Variants in SLC35D4 observed in about 807,000 individuals in gnomAD.
SLC35D4 encodes the protein UDP-N-acetylglucosamine transporter SLC35D4.
At chr18:23,340,846 T>C in the SLC35D4 span, among the ~76,000 whole-genome samples, 3 of 152,304 alleles carry the variant, frequency 2.0e-5, no homozygotes, top group African/African-American at 4.8e-5. Flanking sequence ...CCCTTGCTCT[T>C]GCGCCACATA....
chr18:23,326,767 T>C, the SLC35D4 span, among the ~76,000 whole-genome samples: 1 of 152,154 alleles, frequency 6.6e-6, no homozygotes, highest in African/African-American at 2.4e-5. Flanking sequence ...CAGCACCACA[T>C]TGCACGTATT....
the SLC35D4 span, among the ~76,000 whole-genome samples, chr18:23,352,638 AT>A: frequency 6.6e-6 from 1 of 152,186 alleles, no homozygotes; most frequent in Admixed American, 6.5e-5. Context: ...CAGAGCTTAA[AT>A]TTTTTTCAAG....
chr18:23,406,534 C>T, the SLC35D4 span, among the ~76,000 whole-genome samples: 1 of 152,190 alleles, frequency 6.6e-6, no homozygotes, highest in Non-Finnish European at 1.5e-5. Flanking sequence ...AAAACCAAAA[C>T]TGAGCATCAA....
the SLC35D4 span, among the ~76,000 whole-genome samples, chr18:23,366,177 A>G: frequency 1.2e-4 from 18 of 152,014 alleles, no homozygotes; most frequent in South Asian, 6.2e-4. Flanking sequence ...CTGATTTTCA[A>G]TAGATGCCAC....
chr18:23,348,312 T>C, the SLC35D4 span, among the ~76,000 whole-genome samples: 1 of 152,176 alleles, frequency 6.6e-6, no homozygotes, highest in Non-Finnish European at 1.5e-5. Flanking sequence ...CTGAAATCAA[T>C]TGGTGGGGTG....
chr18:23,307,668 G>A, the SLC35D4 span, among the ~76,000 whole-genome samples: 3 of 152,224 alleles, frequency 2.0e-5, no homozygotes, highest in Non-Finnish European at 2.9e-5. Flanking sequence ...GGTCCTCTCC[G>A]ACAGTAGTAC....
the SLC35D4 span, among the ~76,000 whole-genome samples, chr18:23,327,364 G>T: frequency 2.6e-5 from 4 of 151,990 alleles, no homozygotes; most frequent in Admixed American, 2.6e-4. Context: ...ATGATAAAGG[G>T]GATATCACCA....
the SLC35D4 span, among the ~76,000 whole-genome samples, chr18:23,431,955 T>C: frequency 6.6e-6 from 1 of 152,220 alleles, no homozygotes; most frequent in Non-Finnish European, 1.5e-5. Context: ...TATCTACTTT[T>C]TTCCCAGGGA....
chr18:23,377,876 A>T, the SLC35D4 span, among the ~76,000 whole-genome samples: 1 of 152,124 alleles, frequency 6.6e-6, no homozygotes, highest in Non-Finnish European at 1.5e-5. Flanking sequence ...GAGTCACTTC[A>T]GCAAAGTACT....
chr18:23,433,699 A>C, the SLC35D4 span, among the ~76,000 whole-genome samples: 1 of 152,206 alleles, frequency 6.6e-6, no homozygotes, highest in African/African-American at 2.4e-5. Flanking sequence ...CCATTCTTTC[A>C]AACAATAGAA....
At chr18:23,297,877 C>T in the SLC35D4 span, 1 of 1,080,440 alleles carries the variant, frequency 9.3e-7, no homozygotes, top group Non-Finnish European at 1.4e-6. Flanking sequence ...CACTGCCCAC[C>T]TGGCCTCACT....
the SLC35D4 span, among the ~76,000 whole-genome samples, chr18:23,251,281 C>T: frequency 6.6e-6 from 1 of 152,052 alleles, no homozygotes; most frequent in Non-Finnish European, 1.5e-5. Context: ...GGCGAACCCC[C>T]ATTTACTAAA....
chr18:23,384,011 G>GGT, the SLC35D4 span, among the ~76,000 whole-genome samples: 2 of 136,546 alleles, frequency 1.5e-5, no homozygotes, highest in East Asian at 2.4e-4. Flanking sequence ...TGGGGGGGGG[G>GGT]GGTGTGATGT....
At chr18:23,292,257 C>T in the SLC35D4 span, among the ~76,000 whole-genome samples, 1 of 152,228 alleles carries the variant, frequency 6.6e-6, no homozygotes, top group African/African-American at 2.4e-5. Flanking sequence ...TCTTCGAGCT[C>T]CTCACCTATC....
the SLC35D4 span, chr18:23,421,346 T>A: frequency 2.4e-5 from 38 of 1,603,036 alleles, no homozygotes; most frequent in Non-Finnish European, 3.2e-5. Context: ...CATGCATGAG[T>A]CCAGCATAGA....
chr18:23,358,850 C>T, the SLC35D4 span, among the ~76,000 whole-genome samples: 3 of 152,186 alleles, frequency 2.0e-5, no homozygotes, highest in Admixed American at 6.5e-5. Flanking sequence ...TATTCCCCTT[C>T]GATGCCTTCC....
the SLC35D4 span, among the ~76,000 whole-genome samples, chr18:23,270,973 A>G: frequency 0.11 from 17,381 of 152,236 alleles, 1,277 homozygotes; most frequent in Middle Eastern, 0.3. Flanking sequence ...ATGTGAGGAC[A>G]TGAGATTTGG....
the SLC35D4 span, among the ~76,000 whole-genome samples, chr18:23,246,605 A>G: frequency 1.4e-4 from 21 of 150,856 alleles, no homozygotes; most frequent in African/African-American, 3.5e-4. Context: ...GTTAGCCAGG[A>G]TGGTCTCGAT....
chr18:23,431,588 A>C, the SLC35D4 span, among the ~76,000 whole-genome samples: 1 of 151,756 alleles, frequency 6.6e-6, no homozygotes, highest in African/African-American at 2.4e-5. Context: ...CTAATTCTGC[A>C]TTTTAGGATT....
Sources: allele counts gnomAD v4.1 joint callset (sites outside exome capture counted in the v4.1 genomes callset), GRCh38; gene constraint gnomAD v4.1.1; transcripts MANE v1.5; gene names NCBI Gene and HGNC (gene_info 2026-07-23, HGNC 2026-07-21).